The following TRIM44 variants were observed in gnomAD, a reference collection of about 807,000 sequenced individuals.
TRIM44 encodes tripartite motif-containing protein 44.
Under a neutral mutation model 37.4 loss-of-function variants are expected in TRIM44, and 13 were observed. The observed-to-expected ratio is 0.35, with a 90% CI of 0.23 to 0.55. The LOEUF (loss-of-function observed/expected upper bound fraction) is 0.55. Ranked by LOEUF, TRIM44 falls within the 20% of genes least tolerant of loss-of-function variation. The pLI, the probability that TRIM44 is intolerant of heterozygous loss-of-function variation, is 0.89. For synonymous variants in TRIM44, 175 were observed against 157.2 expected (o/e 1.11, Z -0.85); for missense variants, 426 against 437.2 (o/e 0.97, Z 0.23).
At chr11:35,764,887 T>A (rs1852773803) in intron 4 of TRIM44, among the ~76,000 whole-genome samples, 1 of 152,156 alleles carries the variant, frequency 6.6e-6, no homozygotes, top group African/African-American at 2.4e-5. Context: ...TATTATGCAG[T>A]ATGAGCTCTC....
At chr11:35,665,586 GTTTTTTTTTT>G (rs35522287) in intron 1 of TRIM44, among the ~76,000 whole-genome samples, 2 of 71,518 alleles carry the variant, frequency 2.8e-5, no homozygotes, top group Non-Finnish European at 5.4e-5. Flanking sequence ...TTATATATCT[GTTTTTTTTTT>G]TTTTTTTTTT....
intron 4 of TRIM44, among the ~76,000 whole-genome samples, chr11:35,757,711 T>A (rs1472797570): frequency 6.6e-6 from 1 of 152,222 alleles, no homozygotes; most frequent in Non-Finnish European, 1.5e-5. Context: ...TTTGTTCTCA[T>A]TGGTTTCAAA....
At position 35,814,849 on chromosome 11, in the gene TRIM44, C is replaced by T. The variant is rs914848562; in HGVS notation, c.*8464C>T. On this transcript the variant is annotated 3_prime_UTR_variant, in exon 5 of 5. Coordinates refer to ENST00000299413, the MANE Select transcript of TRIM44 (RefSeq NM_017583.6). ...GAGGGGATTAAATCATGATTCACTT[C>T]TGAACAGTACAATCAGCAGTAGGAA... 6.6e-6 allele frequency: 1 copy of T among 152,108 alleles called. No homozygotes were observed. The highest frequency in any genetic ancestry group is 2.1e-4 in the South Asian group (1 of 4,832). 9.4% of individuals were successfully genotyped at this position (152,108 alleles called of 1,614,324 possible).
At chr11:35,739,717 C>T (rs1852366731) in intron 4 of TRIM44, among the ~76,000 whole-genome samples, 1 of 152,160 alleles carries the variant, frequency 6.6e-6, no homozygotes, top group African/African-American at 2.4e-5. Flanking sequence ...GCCTCTCAAA[C>T]TGGTATCTTA....
intron 4 of TRIM44, among the ~76,000 whole-genome samples, chr11:35,791,348 G>A (rs912434416): frequency 2.0e-5 from 3 of 152,072 alleles, no homozygotes; most frequent in African/African-American, 4.8e-5. Flanking sequence ...GCCTCAGGGA[G>A]TGTCACACAG....
intron 4 of TRIM44, among the ~76,000 whole-genome samples, chr11:35,739,829 T>G (rs905153382): frequency 1.3e-5 from 2 of 152,150 alleles, no homozygotes; most frequent in Non-Finnish European, 2.9e-5. Flanking sequence ...TTAACTGCTG[T>G]GGAGTCATCA....
At chr11:35,726,898 G>A (rs1017057667) in intron 3 of TRIM44, among the ~76,000 whole-genome samples, 6 of 151,852 alleles carry the variant, frequency 4.0e-5, no homozygotes, top group East Asian at 1.9e-4. Context: ...AGTGGCTCAC[G>A]CCTGTAATCC....
intron 1 of TRIM44, among the ~76,000 whole-genome samples, chr11:35,683,893 T>C (rs1851546070): frequency 6.6e-6 from 1 of 151,946 alleles, no homozygotes; most frequent in South Asian, 2.1e-4. Context: ...GAACTGAAAA[T>C]ATCACGAGGG....
At chr11:35,704,131 G>A (rs186540044) in intron 2 of TRIM44, among the ~76,000 whole-genome samples, 67 of 152,250 alleles carry the variant, frequency 4.4e-4, no homozygotes, top group African/African-American at 1.5e-3. Context: ...CTCAGGAGCC[G>A]ATGCGATCAA....
chr11:35,817,179 T>C lies in TRIM44; in HGVS notation c.*10794T>C, dbSNP rs756495571. The C allele has an allele frequency of 6.6e-6, 1 of 152,138 alleles. No homozygotes were observed. The highest frequency in any genetic ancestry group is 1.5e-5 in the Non-Finnish European group (1 of 68,026). The allele number at this position is 152,138 out of a possible 1,614,324, so 9.4% of individuals were successfully genotyped here. The stretch of plus-strand genomic sequence containing the variant: ...CCCATATCCAGAGGTACTCCAGATA[T>C]TATATCTTCATGCAGAAAACTGAAA... On this transcript the variant is annotated 3_prime_UTR_variant, in exon 5 of 5. Transcript: ENST00000299413.
rs550746253 is a variant in TRIM44 at position 35,702,437 on chromosome 11, C to T, written c.747+17101C>T. 6.6e-5 allele frequency among the ~76,000 whole-genome samples: 10 copies of T among 152,278 alleles called. No individual in the cohort carries two copies. The South Asian group carries it at 1.0e-3, about 16-fold the overall frequency. On this transcript the variant is annotated intron_variant, in intron 2 of 4. Coordinates refer to ENST00000299413, the MANE Select transcript of TRIM44 (RefSeq NM_017583.6). Reference sequence around the variant, plus strand: ...GAAAAGGGCTGCCCTCCTGTTTCTGCGATTAAGGATGCCTATGAACGGAAT... The same window carrying T: ...GAAAAGGGCTGCCCTCCTGTTTCTGTGATTAAGGATGCCTATGAACGGAAT...
At chr11:35,730,851 CTT>C (rs376635824) in intron 3 of TRIM44, among the ~76,000 whole-genome samples, 7 of 128,102 alleles carry the variant, frequency 5.5e-5, no homozygotes, top group African/African-American at 5.7e-5. Flanking sequence ...AGCCTTATAT[CTT>C]TTTTTTTTTT....
chr11:35,697,610 C>T (rs923800548), intron 2 of TRIM44, among the ~76,000 whole-genome samples: 2 of 151,756 alleles, frequency 1.3e-5, no homozygotes, highest in Non-Finnish European at 2.9e-5. Flanking sequence ...CCGCTCCCCA[C>T]ACCCCACAAC....
intron 4 of TRIM44, among the ~76,000 whole-genome samples, chr11:35,786,229 C>T (rs533200231): frequency 9.8e-5 from 15 of 152,316 alleles, no homozygotes; most frequent in African/African-American, 3.1e-4. Flanking sequence ...CACATCTACT[C>T]TATTACATAG....
At chr11:35,747,116 A>G (rs992208181) in intron 4 of TRIM44, among the ~76,000 whole-genome samples, 1 of 152,192 alleles carries the variant, frequency 6.6e-6, no homozygotes, top group African/African-American at 2.4e-5. Flanking sequence ...ACTTTGGGAC[A>G]GCTGCCATTT....
At chr11:35,759,404 A>AT (rs1229097528) in intron 4 of TRIM44, among the ~76,000 whole-genome samples, 1 of 151,710 alleles carries the variant, frequency 6.6e-6, no homozygotes, top group African/African-American at 2.4e-5. Flanking sequence ...CATTCGTCTA[A>AT]TTTTTTTTCA....
chr11:35,687,993 G>C (rs1851600320), intron 2 of TRIM44, among the ~76,000 whole-genome samples: 1 of 152,118 alleles, frequency 6.6e-6, no homozygotes, highest in Non-Finnish European at 1.5e-5. Flanking sequence ...TCAGGAATGG[G>C]GGTAAAAAAC....
At chr11:35,711,691 G>A (rs1263158100) in intron 2 of TRIM44, among the ~76,000 whole-genome samples, 1 of 152,108 alleles carries the variant, frequency 6.6e-6, no homozygotes, top group Non-Finnish European at 1.5e-5. Flanking sequence ...AGGAGATCGA[G>A]GCTGCAGTGA....
chr11:35,781,102 A>G lies in TRIM44; in HGVS notation c.1008-25256A>G, dbSNP rs370408670. Among the ~76,000 whole-genome samples, 275 of 152,312 alleles carry G rather than the reference A, an allele frequency of 1.8e-3. 1 individual carries two copies. Among genetic ancestry groups the G allele is most frequent in the Middle Eastern group, 6.8e-3 (2 of 294 alleles). On this transcript the variant is annotated intron_variant, in intron 4 of 4. Coordinates refer to ENST00000299413, the MANE Select transcript of TRIM44 (RefSeq NM_017583.6). ...GAAGCTACTATAGCTACAATGTGGA[A>G]AGTGTTCAAAGGGCCAAGGAGGTCA...
Sources: gnomAD v4.1 joint callset for allele counts (sites outside exome capture counted in the v4.1 genomes callset) on GRCh38, gnomAD v4.1.1 for gene constraint, MANE v1.5 for transcripts, NCBI Gene and HGNC (gene_info 2026-07-23, HGNC 2026-07-21) for gene names.